Variants in TTC39A observed in about 807,000 individuals in gnomAD.
TTC39A encodes the protein tetratricopeptide repeat domain 39A.
Under a neutral mutation model 82.3 loss-of-function variants are expected in TTC39A, and 46 were observed. That is an observed-to-expected ratio of 0.56 (90% CI 0.44 to 0.71). The LOEUF (loss-of-function observed/expected upper bound fraction) is 0.71. TTC39A is among the 30% of genes least tolerant of loss of function. The pLI is 0.00. For missense variants in TTC39A, 543 were observed against 712.9 expected (o/e 0.76, Z 2.71); for synonymous variants, 254 against 275.2 (o/e 0.92, Z 0.76).
At chr1:51,341,564 G>A (rs1293673396) in intron 1 of TTC39A, among the ~76,000 whole-genome samples, 3 of 152,160 alleles carry the variant, frequency 2.0e-5, no homozygotes, top group African/African-American at 7.2e-5. Flanking sequence ...AAGGTTGCTT[G>A]AATGTCTTTC....
upstream of TTC39A, among the ~76,000 whole-genome samples, chr1:51,333,126 C>T (rs991857057): frequency 1.1e-4 from 16 of 150,868 alleles, no homozygotes; most frequent in Non-Finnish European, 1.6e-4. Context: ...GCAGGAGAAT[C>T]GCTTGAACCC....
At chr1:51,292,846 T>G (rs958591176) in intron 14 of TTC39A, among the ~76,000 whole-genome samples, 1 of 152,244 alleles carries the variant, frequency 6.6e-6, no homozygotes, top group African/African-American at 2.4e-5. Context: ...AAACTTCTTC[T>G]TAGATTAATA....
At chr1:51,296,027 G>A (rs746013407) in intron 13 of TTC39A, 52 bp downstream of exon 13, 113 of 1,540,022 alleles carry the variant, frequency 7.3e-5, no homozygotes, top group Admixed American at 2.4e-4. Context: ...TGTCCATAGC[G>A]GCCTACACGG....
chr1:51,302,126 A>G (rs1368089485), intron 11 of TTC39A: 13 of 727,500 alleles, frequency 1.8e-5, no homozygotes, highest in Middle Eastern at 2.3e-4. Context: ...CTGCAGTCCT[A>G]TATCTCCCAG....
chr1:51,301,501 T>C, intron 12 of TTC39A, 71 bp downstream of exon 12: 2 of 1,501,490 alleles, frequency 1.3e-6, no homozygotes, highest in African/African-American at 2.8e-5. Flanking sequence ...AGTTAGGGAT[T>C]TGGCCCGTGG....
intron 3 of TTC39A, 53 bp from the exon 4 acceptor site, chr1:51,312,248 G>T: frequency 6.7e-7 from 1 of 1,500,182 alleles, no homozygotes; most frequent in Non-Finnish European, 9.1e-7. Context: ...GGCCACACTT[G>T]TCTCTGCCCC....
At chr1:51,327,694 T>C (rs1645762329) in intron 1 of TTC39A, among the ~76,000 whole-genome samples, 1 of 151,548 alleles carries the variant, frequency 6.6e-6, no homozygotes. Context: ...AAATTATGTA[T>C]TGCCATTTTT....
At chr1:51,323,944 AC>A (rs1447067177) in intron 1 of TTC39A, among the ~76,000 whole-genome samples, 1 of 152,194 alleles carries the variant, frequency 6.6e-6, no homozygotes, top group Non-Finnish European at 1.5e-5. Flanking sequence ...CAATTATATT[AC>A]AAATTCATGT....
At chr1:51,298,073 C>G (rs1279477695) in intron 12 of TTC39A, 1 of 152,554 alleles carries the variant, frequency 6.6e-6, no homozygotes, top group African/African-American at 2.4e-5. Flanking sequence ...AAAGCCCCTC[C>G]CATCACTCCC....
upstream of TTC39A, chr1:51,331,494 C>T (rs2148315036): frequency 1.5e-6 from 2 of 1,330,708 alleles, no homozygotes; most frequent in Admixed American, 3.1e-5. Context: ...GACTGTAGCT[C>T]CCCTGGAGCA....
chr1:51,340,546 C>T (rs1646021845), intron 1 of TTC39A, among the ~76,000 whole-genome samples: 1 of 152,220 alleles, frequency 6.6e-6, no homozygotes, highest in Non-Finnish European at 1.5e-5. Flanking sequence ...CTCCCCTCCT[C>T]TCCAGCCCAT....
chr1:51,307,629 G>A (rs1644921067), intron 6 of TTC39A, among the ~76,000 whole-genome samples: 3 of 151,772 alleles, frequency 2.0e-5, no homozygotes, highest in Admixed American at 2.0e-4. Flanking sequence ...CAGCCACTCG[G>A]GAGGCTGAGG....
At chr1:51,310,568 C>T (rs879723657) in intron 5 of TTC39A, among the ~76,000 whole-genome samples, 9 of 152,100 alleles carry the variant, frequency 5.9e-5, no homozygotes, top group Non-Finnish European at 1.2e-4. Flanking sequence ...TGCATATGTC[C>T]CTCTCCTGCT....
intron 1 of TTC39A, chr1:51,329,574 C>T (rs1367329859): frequency 2.0e-5 from 3 of 152,508 alleles, no homozygotes; most frequent in Non-Finnish European, 4.4e-5. Context: ...TCGTCACCTC[C>T]CTGTTCATGT....
chr1:51,305,235 C>T lies in TTC39A; in HGVS notation c.589-89G>A, dbSNP rs568859374. On this transcript the variant is annotated intron_variant, in intron 7 of 17. Transcript: ENST00000680483. Reference sequence around the variant, plus strand: ...GTCCCAAGTCTAGCTCTTTAACAGGCTTTACCTGGAGGGGAGAGGGCCACC... The same window carrying T: ...GTCCCAAGTCTAGCTCTTTAACAGGTTTTACCTGGAGGGGAGAGGGCCACC... The T allele has an allele frequency of 1.3e-5, 17 of 1,350,970 alleles. No individual in the cohort carries two copies. The South Asian group carries it at 1.8e-4, about 14-fold the overall frequency. 83.7% of individuals were successfully genotyped at this position (1,350,970 alleles called of 1,614,324 possible). A position where few individuals can be genotyped will look rare whatever the true frequency, so the allele number is the denominator to read the frequency against.
At chr1:51,307,473 C>A (rs996543149) in intron 6 of TTC39A, among the ~76,000 whole-genome samples, 1 of 152,156 alleles carries the variant, frequency 6.6e-6, no homozygotes, top group Non-Finnish European at 1.5e-5. Flanking sequence ...GTGGCTCACG[C>A]CTGTAATCCC....
chr1:51,302,991 C>A, intron 9 of TTC39A, 93 bp downstream of exon 9: 4 of 1,172,620 alleles, frequency 3.4e-6, no homozygotes, highest in Non-Finnish European at 4.9e-6. Context: ...CTATCCCTAG[C>A]CACAGGGCAT....
Position 51,322,126 on chromosome 1 carries a change from A to G in TTC39A, c.42-301T>C, listed in dbSNP as rs904377234. ...GGAATCAATGATCTTACCCTCCACA[A>G]GGGTAAAGGGAGTCTTTGTGGCCCT... On this transcript the variant is annotated intron_variant, in intron 1 of 17. Coordinates refer to ENST00000680483, the MANE Select transcript of TTC39A (RefSeq NM_001297663.2). The G allele has an allele frequency of 5.8e-6, 9 of 1,552,222 alleles. No individual in the cohort carries two copies. In the African/African-American group the frequency reaches 1.2e-4, roughly 21 times the overall value.
chr1:51,288,396 T>C lies in TTC39A; in HGVS notation c.1611-116A>G. The C allele has an allele frequency of 6.6e-7, 1 of 1,523,406 alleles. No homozygotes were observed. The highest frequency in any genetic ancestry group is 8.9e-7 in the Non-Finnish European group (1 of 1,125,756). 94.4% of individuals were successfully genotyped at this position (1,523,406 alleles called of 1,614,324 possible). On this transcript the variant is annotated intron_variant, in intron 17 of 17. Transcript: ENST00000680483. This position sits in a 1 kb window ranked among gnomAD's most constrained non-coding sequence, Gnocchi z 4.8. ...AGGAAGGATTGTAGAGAAATTAATG[T>C]GTCCAGAGAGAGTTGAGCCCTACCC...
Sources: allele counts gnomAD v4.1 joint callset (sites outside exome capture counted in the v4.1 genomes callset), GRCh38; gene constraint gnomAD v4.1.1; non-coding constraint Gnocchi (gnomAD v3.1); transcripts MANE v1.5; gene names NCBI Gene and HGNC (gene_info 2026-07-23, HGNC 2026-07-21).